Variants in EXOC6B observed in about 807,000 individuals in gnomAD.
EXOC6B encodes SEC15 homolog B.
A neutral mutation model predicts 113.5 loss-of-function variants in EXOC6B; 54 were observed. The observed-to-expected ratio is 0.48, with a 90% CI of 0.38 to 0.60. The LOEUF is 0.60. Ranked by LOEUF, EXOC6B falls within the 20% of genes least tolerant of loss-of-function variation. The probability of loss-of-function intolerance (pLI) is 0.00; values close to 1 mark genes in which losing one functional copy is unlikely to be tolerated. For synonymous variants in EXOC6B, 357 were observed against 339.0 expected (o/e 1.05, Z -0.58); for missense variants, 797 against 977.5 (o/e 0.82, Z 2.46).
chr2:72,232,524 T>C (rs189414503), intron 20 of EXOC6B, among the ~76,000 whole-genome samples: 203 of 152,264 alleles, frequency 1.3e-3, no homozygotes, highest in Middle Eastern at 6.8e-3. Flanking sequence ...AGATGTTCAT[T>C]GTAGTGTTAT....
At chr2:72,580,465 C>G (rs1484224242) in intron 6 of EXOC6B, among the ~76,000 whole-genome samples, 4 of 152,060 alleles carry the variant, frequency 2.6e-5, no homozygotes, top group Non-Finnish European at 5.9e-5. Flanking sequence ...TCACTATCTA[C>G]TATGGAAACA....
intron 6 of EXOC6B, among the ~76,000 whole-genome samples, chr2:72,661,975 T>G (rs1660800698): frequency 6.6e-6 from 1 of 151,056 alleles, no homozygotes; most frequent in Non-Finnish European, 1.5e-5. Flanking sequence ...AGTAATAGTT[T>G]ATTAATTATA....
chr2:72,503,026 T>C (rs1700409932), intron 11 of EXOC6B, among the ~76,000 whole-genome samples: 2 of 152,188 alleles, frequency 1.3e-5, no homozygotes, highest in African/African-American at 2.4e-5. Flanking sequence ...AATTTTTACT[T>C]TGGATTCATA....
At chr2:72,476,803 A>G (rs1237547652) in intron 17 of EXOC6B, among the ~76,000 whole-genome samples, 3 of 152,214 alleles carry the variant, frequency 2.0e-5, no homozygotes, top group African/African-American at 7.2e-5. Flanking sequence ...GTTGGTATTT[A>G]TCTACTTCGG....
intron 6 of EXOC6B, among the ~76,000 whole-genome samples, chr2:72,589,076 G>T (rs1486080640): frequency 6.6e-6 from 1 of 151,854 alleles, no homozygotes; most frequent in Non-Finnish European, 1.5e-5. Flanking sequence ...AAAGAGTCAC[G>T]ATACCTAATT....
intron 1 of EXOC6B, among the ~76,000 whole-genome samples, chr2:72,787,243 A>G (rs1387664196): frequency 3.4e-4 from 52 of 151,510 alleles, no homozygotes; most frequent in Admixed American, 3.1e-3. Context: ...ACAGAGTCTC[A>G]CTCTGTCGCC....
chr2:72,327,796 A>C (rs1035910069), intron 20 of EXOC6B, among the ~76,000 whole-genome samples: 1 of 152,122 alleles, frequency 6.6e-6, no homozygotes, highest in African/African-American at 2.4e-5. Flanking sequence ...CAATCAATTA[A>C]GGACATTCTA....
intron 20 of EXOC6B, 34 bp from the exon 21 acceptor site, chr2:72,184,221 G>A: frequency 8.4e-7 from 1 of 1,189,994 alleles, no homozygotes; most frequent in Non-Finnish European, 1.2e-6. Context: ...CCAGGGATTA[G>A]TCAGACAGAC....
chr2:72,280,932 C>T (rs980675946), intron 20 of EXOC6B, among the ~76,000 whole-genome samples: 6 of 152,008 alleles, frequency 3.9e-5, no homozygotes, highest in Non-Finnish European at 7.4e-5. Flanking sequence ...AGCCTATTGG[C>T]ATAGGCCAAT....
At chr2:72,648,163 A>G (rs1484887365) in intron 6 of EXOC6B, among the ~76,000 whole-genome samples, 1 of 152,266 alleles carries the variant, frequency 6.6e-6, no homozygotes, top group Non-Finnish European at 1.5e-5. Flanking sequence ...TATGCAGCCA[A>G]CAGACACATG....
chr2:72,366,434 A>T (rs1690633610), intron 19 of EXOC6B, among the ~76,000 whole-genome samples: 1 of 152,162 alleles, frequency 6.6e-6, no homozygotes, highest in Admixed American at 6.5e-5. Flanking sequence ...AAGAAAATAA[A>T]CAGAGTATCG....
intron 1 of EXOC6B, among the ~76,000 whole-genome samples, chr2:72,780,343 G>C (rs956052917): frequency 1.3e-5 from 2 of 152,126 alleles, no homozygotes; most frequent in Non-Finnish European, 1.5e-5. Flanking sequence ...TCTCAGCAGA[G>C]CAAAACAGGA....
intron 20 of EXOC6B, among the ~76,000 whole-genome samples, chr2:72,275,580 A>G (rs1292091595): frequency 6.6e-6 from 1 of 152,092 alleles, no homozygotes; most frequent in Admixed American, 6.6e-5. Flanking sequence ...ACTCATTTTT[A>G]TTTTCTTATT....
intron 20 of EXOC6B, among the ~76,000 whole-genome samples, chr2:72,235,325 C>G (rs1226078523): frequency 6.6e-6 from 1 of 152,126 alleles, no homozygotes; most frequent in Non-Finnish European, 1.5e-5. Context: ...CATGTTTTCA[C>G]TTATTTAGCT....
intron 6 of EXOC6B, among the ~76,000 whole-genome samples, chr2:72,643,503 T>G (rs899364151): frequency 3.0e-4 from 44 of 148,760 alleles, no homozygotes; most frequent in Admixed American, 6.7e-4. Flanking sequence ...CTCAGTAAAC[T>G]ATCGCAAGAA....
In EXOC6B at chr2:72,556,677, G is replaced by A. The variant is rs535556943; in HGVS notation, c.915+2776C>T. Among the ~76,000 whole-genome samples the A allele has an allele frequency of 9.2e-5, 14 of 151,846 alleles. 1 individual carries two copies. The South Asian group carries it at 2.9e-3, about 32-fold the overall frequency. ...TGATGAACCTAAGATGGGTTAAGAT[G>A]AAAATCTAAATGGTAAAATATTAAA... On this transcript the variant is annotated intron_variant, in intron 8 of 21. Transcript: ENST00000272427.
chr2:72,228,852 C>A (rs1191583498), intron 20 of EXOC6B, among the ~76,000 whole-genome samples: 4 of 152,188 alleles, frequency 2.6e-5, no homozygotes, highest in Non-Finnish European at 5.9e-5. Flanking sequence ...CTGACTTCCA[C>A]AATGGTTGAA....
chr2:72,806,520 C>G (rs1272857067), intron 1 of EXOC6B, among the ~76,000 whole-genome samples: 1 of 152,050 alleles, frequency 6.6e-6, no homozygotes, highest in Non-Finnish European at 1.5e-5. Context: ...TTTGGAAGAA[C>G]GATTTATTTT....
At chr2:72,219,603 CCTAAG>C (rs1326520396) in intron 20 of EXOC6B, among the ~76,000 whole-genome samples, 1 of 151,946 alleles carries the variant, frequency 6.6e-6, no homozygotes, top group African/African-American at 2.4e-5. Flanking sequence ...CTCTATCTAA[CCTAAG>C]CTAAGTCAAA....
Sources: allele counts gnomAD v4.1 joint callset (sites outside exome capture counted in the v4.1 genomes callset), GRCh38; gene constraint gnomAD v4.1.1; transcripts MANE v1.5; gene names NCBI Gene and HGNC (gene_info 2026-07-23, HGNC 2026-07-21).